The following RPH3A variants were observed in gnomAD, a reference collection of about 807,000 sequenced individuals.
The protein encoded by RPH3A is rabphilin 3A.
A neutral mutation model predicts 102.2 loss-of-function variants in RPH3A; 48 were observed. That is an observed-to-expected ratio of 0.47 (90% CI 0.37 to 0.60). The LOEUF (loss-of-function observed/expected upper bound fraction) is 0.60, where lower values mean the gene tolerates loss of function less well. Among genes scored for constraint, RPH3A ranks in the 20% least tolerant of loss-of-function variants. The pLI is 0.00. For synonymous variants in RPH3A, 310 were observed against 324.3 expected, an observed-to-expected ratio of 0.96 and a Z score of 0.47; for missense variants, 781 against 910.1, an observed-to-expected ratio of 0.86 and a Z score of 1.83.
At chr12:112,753,027 A>AT (rs1220654751) in intron 1 of RPH3A, among the ~76,000 whole-genome samples, 1 of 132,204 alleles carries the variant, frequency 7.6e-6, no homozygotes, top group Non-Finnish European at 1.6e-5. Flanking sequence ...TTGTACATCT[A>AT]TCTTTGTGCC....
intron 1 of RPH3A, among the ~76,000 whole-genome samples, chr12:112,696,736 A>G (rs2040354929): frequency 6.6e-6 from 1 of 152,222 alleles, no homozygotes; most frequent in African/African-American, 2.4e-5. Flanking sequence ...TTCATTTTAA[A>G]TGGTGAGGTA....
At chr12:112,780,870 G>A (rs894396232) in intron 1 of RPH3A, among the ~76,000 whole-genome samples, 2 of 152,134 alleles carry the variant, frequency 1.3e-5, no homozygotes, top group Non-Finnish European at 2.9e-5. Context: ...ATTATCCTCT[G>A]GTAGCCGGGC....
chr12:112,875,729 G>A lies in RPH3A; in HGVS notation c.934G>A (p.Asp312Asn). The change falls in exon 12 of 22, where the codon GAT becomes AAT. Residue 312 changes from aspartate (D) to asparagine (N), a missense_variant. Physicochemically the swap from Asp to Asn is conservative, Grantham distance 23. Transcript: ENST00000389385. ...PGPGPAGRFPDQKPEVAPSDP... is the reference protein window; with the variant it reads ...PGPGPAGRFPNQKPEVAPSDP... ...TCCTGGGCCAGCAGGACGCTTTCCA[G>A]ATCAGAAGCCAGGCAAGTATCTGCT... 2 of 1,613,926 alleles carry A rather than the reference G, an allele frequency of 1.2e-6. No homozygotes were observed. The highest frequency in any genetic ancestry group is 1.7e-6 in the Non-Finnish European group (2 of 1,179,950).
chr12:112,818,361 T>C (rs2041717748), intron 2 of RPH3A, among the ~76,000 whole-genome samples: 2 of 141,938 alleles, frequency 1.4e-5, no homozygotes, highest in South Asian at 2.3e-4. Flanking sequence ...TATTGGTCCA[T>C]AGTAGCCCAA....
At chr12:112,628,108 C>A (rs1214198747) in intron 1 of RPH3A, among the ~76,000 whole-genome samples, 1 of 151,918 alleles carries the variant, frequency 6.6e-6, no homozygotes. Flanking sequence ...CCCACCAGGC[C>A]CCCCCTCCAA....
intron 1 of RPH3A, among the ~76,000 whole-genome samples, chr12:112,577,459 T>A (rs573365385): frequency 6.6e-6 from 1 of 152,344 alleles, no homozygotes; most frequent in African/African-American, 2.4e-5. Context: ...GCAGTGAGGA[T>A]GATCAGAGGT....
At chr12:112,682,468 A>G (rs974073174) in intron 1 of RPH3A, among the ~76,000 whole-genome samples, 22 of 150,450 alleles carry the variant, frequency 1.5e-4, no homozygotes, top group African/African-American at 4.9e-4. Context: ...TATTCTCACC[A>G]CATGCCCAGA....
At chr12:112,824,553 T>G (rs1005138628) in intron 2 of RPH3A, among the ~76,000 whole-genome samples, 1 of 152,210 alleles carries the variant, frequency 6.6e-6, no homozygotes, top group Admixed American at 6.5e-5. Flanking sequence ...TCCCTGGGCC[T>G]GTTTCTCTAG....
intron 1 of RPH3A, among the ~76,000 whole-genome samples, chr12:112,644,221 C>T (rs1447003541): frequency 6.6e-6 from 1 of 152,176 alleles, no homozygotes; most frequent in Non-Finnish European, 1.5e-5. Flanking sequence ...ATGATGGTTA[C>T]ACTAGAAGCC....
intron 3 of RPH3A, among the ~76,000 whole-genome samples, chr12:112,835,575 T>G (rs933440169): frequency 6.6e-6 from 1 of 152,190 alleles, no homozygotes; most frequent in African/African-American, 2.4e-5. Flanking sequence ...CTTCAGATAT[T>G]AAAATTATTT....
rs562120892 is a variant in RPH3A at position 112,865,563 on chromosome 12, C to T, written c.360+20C>T. ...AAGAAGGTATCATCATCCTCTTCTC[C>T]CTTCTTCCCTGTGCAGCACCTGCAG... On this transcript the variant is annotated intron_variant, in intron 6 of 21. Coordinates refer to ENST00000389385, the MANE Select transcript of RPH3A (RefSeq NM_001143854.2). 7.4e-6 allele frequency: 12 copies of T among 1,610,996 alleles called. No homozygotes were observed. The East Asian group carries it at 2.2e-4, about 30-fold the overall frequency.
intron 2 of RPH3A, chr12:112,813,283 C>T (rs2041612071): frequency 6.6e-6 from 1 of 152,180 alleles, no homozygotes; most frequent in African/African-American, 2.4e-5. Context: ...CAGAGTTCTC[C>T]ATCTACAGTA....
At chr12:112,826,513 C>T (rs1015421562) in intron 2 of RPH3A, among the ~76,000 whole-genome samples, 5 of 152,078 alleles carry the variant, frequency 3.3e-5, no homozygotes, top group Admixed American at 3.3e-4. Flanking sequence ...GATGTATATA[C>T]CTGGTTAGTG....
chr12:112,741,739 G>T (rs900071680), intron 1 of RPH3A, among the ~76,000 whole-genome samples: 1 of 152,130 alleles, frequency 6.6e-6, no homozygotes, highest in Non-Finnish European at 1.5e-5. Flanking sequence ...CATCTCTCTG[G>T]AAACATGTGT....
chr12:112,670,185 T>G (rs2040117668), intron 1 of RPH3A, among the ~76,000 whole-genome samples: 1 of 152,150 alleles, frequency 6.6e-6, no homozygotes, highest in Non-Finnish European at 1.5e-5. Flanking sequence ...GCTCTTTGCT[T>G]CTTTGTTTTT....
chr12:112,790,187 G>C (rs149424732), upstream of RPH3A, among the ~76,000 whole-genome samples: 948 of 152,086 alleles, frequency 6.2e-3, 13 homozygotes, highest in African/African-American at 0.022. Context: ...CTCCCGAGTA[G>C]CTGGGATTAC....
chr12:112,581,605 T>G (rs10850062), intron 1 of RPH3A, among the ~76,000 whole-genome samples: 70,956 of 151,896 alleles, frequency 0.47, 19,647 homozygotes, highest in East Asian at 0.88. Flanking sequence ...TCACTATGTT[T>G]CCCAAGCTGG....
chr12:112,711,062 G>A (rs958641334), intron 1 of RPH3A, among the ~76,000 whole-genome samples: 3 of 152,164 alleles, frequency 2.0e-5, no homozygotes, highest in Non-Finnish European at 4.4e-5. Context: ...CAAGAACAGC[G>A]TTTGGGAGAA....
intron 1 of RPH3A, among the ~76,000 whole-genome samples, chr12:112,756,077 C>T (rs1408976551): frequency 6.6e-6 from 1 of 151,972 alleles, no homozygotes; most frequent in Non-Finnish European, 1.5e-5. Context: ...TGTATAGTCT[C>T]AAATAACTAA....
Sources: gnomAD v4.1 joint callset for allele counts (sites outside exome capture counted in the v4.1 genomes callset) on GRCh38, gnomAD v4.1.1 for gene constraint, MANE v1.5 for transcripts, NCBI Gene and HGNC (gene_info 2026-07-23, HGNC 2026-07-21) for gene names.